ANKS1B: variants seen among roughly 807,000 people sequenced by gnomAD.
ANKS1B encodes ankyrin repeat and sterile alpha motif domain-containing protein 1B.
ANKS1B carries 36 observed loss-of-function variants against 148.3 expected under a neutral mutation model. The ratio of observed to expected loss-of-function variants is 0.24; its 90% CI spans 0.19 to 0.32. The LOEUF (loss-of-function observed/expected upper bound fraction) is 0.32, where lower values mean the gene tolerates loss of function less well. Ranked by LOEUF, ANKS1B falls within the 10% of genes least tolerant of loss-of-function variation. ANKS1B has a pLI of 1.00. For synonymous variants in ANKS1B, 542 were observed against 560.8 expected, an observed-to-expected ratio of 0.97 and a Z score of 0.47; for missense variants, 1,157 against 1,542.6, an observed-to-expected ratio of 0.75 and a Z score of 4.19.
intron 12 of ANKS1B, among the ~76,000 whole-genome samples, chr12:99,291,238 G>A (rs532483165): frequency 2.0e-5 from 3 of 151,988 alleles, no homozygotes; most frequent in East Asian, 3.9e-4. Flanking sequence ...GATTGAAGAG[G>A]ACACACAAAA....
At chr12:99,294,825 G>C (rs1314403931) in intron 12 of ANKS1B, among the ~76,000 whole-genome samples, 1 of 152,094 alleles carries the variant, frequency 6.6e-6, no homozygotes, top group Non-Finnish European at 1.5e-5. Context: ...GGCTAATTTT[G>C]TATTTTTAGT....
chr12:99,151,311 T>C (rs1272400626), intron 15 of ANKS1B, among the ~76,000 whole-genome samples: 1 of 152,084 alleles, frequency 6.6e-6, no homozygotes, highest in Non-Finnish European at 1.5e-5. Context: ...GCGGATCATT[T>C]AAGATCAGGA....
intron 17 of ANKS1B, among the ~76,000 whole-genome samples, chr12:98,964,135 T>C (rs192406492): frequency 6.6e-6 from 1 of 151,914 alleles, no homozygotes; most frequent in Admixed American, 6.6e-5. Context: ...AAAAACTGGG[T>C]GAAATGTCTG....
intron 17 of ANKS1B, among the ~76,000 whole-genome samples, chr12:98,884,459 A>T (rs758317529): frequency 9.9e-5 from 15 of 152,186 alleles, no homozygotes; most frequent in Admixed American, 4.6e-4. Context: ...CTGTATTTAC[A>T]TTCTCTCTCC....
At chr12:99,665,842 A>C (rs2098504011) in intron 8 of ANKS1B, among the ~76,000 whole-genome samples, 1 of 152,152 alleles carries the variant, frequency 6.6e-6, no homozygotes, top group Admixed American at 6.5e-5. Context: ...TATATTCTAG[A>C]CATACCTCCT....
chr12:98,804,557 A>G (rs2099034948), intron 20 of ANKS1B, among the ~76,000 whole-genome samples: 4 of 152,192 alleles, frequency 2.6e-5, no homozygotes, highest in Admixed American at 2.6e-4. Flanking sequence ...GTCGTAAAGG[A>G]CAGGTATGAC....
At chr12:99,125,749 G>A (rs976398097) in intron 15 of ANKS1B, among the ~76,000 whole-genome samples, 2 of 152,160 alleles carry the variant, frequency 1.3e-5, no homozygotes, top group African/African-American at 4.8e-5. Context: ...TCCTGGAAGC[G>A]AGGATGCTGA....
rs556431728 is a variant in ANKS1B at position 99,404,236 on chromosome 12, C to T, written c.1576-4425G>A. On this transcript the variant is annotated intron_variant, in intron 11 of 26. Coordinates refer to ENST00000683438, the MANE Select transcript of ANKS1B (RefSeq NM_001352186.2). ...TAACTAATGGGTACTAGGCTTAATG[C>T]CTGGGTGACAAAATAATCTGTACAA... Among the ~76,000 whole-genome samples, 48 of 145,412 alleles carry T rather than the reference C, an allele frequency of 3.3e-4. 7 individuals carry two copies. The highest frequency in any genetic ancestry group is 1.0e-3 in the African/African-American group (40 of 38,270).
intron 10 of ANKS1B, among the ~76,000 whole-genome samples, chr12:99,458,408 T>C (rs2095881745): frequency 8.1e-6 from 1 of 123,696 alleles, no homozygotes; most frequent in South Asian, 2.6e-4. Context: ...AAAAAAGAAA[T>C]AACCAAGATC....
intron 12 of ANKS1B, among the ~76,000 whole-genome samples, chr12:99,274,093 A>C (rs538144262): frequency 4.9e-4 from 75 of 152,118 alleles, no homozygotes; most frequent in Admixed American, 9.8e-4. Flanking sequence ...GTCATCTGAA[A>C]GTTTCTATGA....
intron 15 of ANKS1B, among the ~76,000 whole-genome samples, chr12:99,085,920 A>G (rs1353589688): frequency 1.3e-5 from 2 of 152,182 alleles, no homozygotes; most frequent in South Asian, 2.1e-4. Context: ...TACTAGGCTT[A>G]ACACCTGGGT....
chr12:98,810,833 A>G (rs1033429367), intron 19 of ANKS1B, among the ~76,000 whole-genome samples: 5 of 152,172 alleles, frequency 3.3e-5, no homozygotes, highest in Non-Finnish European at 7.4e-5. Flanking sequence ...CCAAACTCAT[A>G]TCTGATTCAA....
At chr12:98,820,740 G>A (rs2099180948) in intron 19 of ANKS1B, among the ~76,000 whole-genome samples, 1 of 152,110 alleles carries the variant, frequency 6.6e-6, no homozygotes, top group Admixed American at 6.5e-5. Context: ...CTTTTCCAAA[G>A]AGCACCAGTG....
chr12:99,449,536 C>G (rs1448081781), intron 10 of ANKS1B, among the ~76,000 whole-genome samples: 1 of 152,036 alleles, frequency 6.6e-6, no homozygotes, highest in Admixed American at 6.6e-5. Context: ...GATTAACTAC[C>G]ATCTTCTATC....
intron 4 of ANKS1B, among the ~76,000 whole-genome samples, chr12:99,789,042 C>G (rs1460741469): frequency 1.3e-5 from 2 of 152,304 alleles, no homozygotes; most frequent in East Asian, 3.9e-4. Context: ...GGGGAACTCA[C>G]TGCCCTGAAG....
chr12:99,134,174 T>C (rs1212548772), intron 15 of ANKS1B, among the ~76,000 whole-genome samples: 2 of 152,210 alleles, frequency 1.3e-5, no homozygotes, highest in Non-Finnish European at 2.9e-5. Context: ...AGGAACGTGT[T>C]ACTGTACTTC....
intron 10 of ANKS1B, among the ~76,000 whole-genome samples, chr12:99,470,077 C>A (rs1206977859): frequency 1.3e-5 from 2 of 151,522 alleles, no homozygotes; most frequent in Admixed American, 1.3e-4. Context: ...TATGATTATC[C>A]CACTGCACTC....
At chr12:98,775,149 T>C (rs2098657350) in intron 24 of ANKS1B, among the ~76,000 whole-genome samples, 2 of 152,212 alleles carry the variant, frequency 1.3e-5, no homozygotes, top group African/African-American at 4.8e-5. Context: ...GGAGGCACTG[T>C]CACAGGAAAT....
At chr12:99,902,399 C>T (rs1204783325) in intron 1 of ANKS1B, among the ~76,000 whole-genome samples, 2 of 152,120 alleles carry the variant, frequency 1.3e-5, no homozygotes, top group Admixed American at 1.3e-4. Context: ...AAACAGAAGC[C>T]AGACTGTGCT....
Sources: allele counts gnomAD v4.1 joint callset (sites outside exome capture counted in the v4.1 genomes callset), GRCh38; gene constraint gnomAD v4.1.1; transcripts MANE v1.5; gene names NCBI Gene and HGNC (gene_info 2026-07-23, HGNC 2026-07-21).